Variants in PCDHAC2 observed in about 807,000 individuals in gnomAD.
The protein encoded by PCDHAC2 is protocadherin alpha-C2.
A neutral mutation model predicts 63.3 loss-of-function variants in PCDHAC2; 24 were observed. That is an observed-to-expected ratio of 0.38 (90% confidence interval 0.27 to 0.53). The LOEUF (loss-of-function observed/expected upper bound fraction) is 0.53, where lower values mean the gene tolerates loss of function less well. PCDHAC2 is among the 20% of genes least tolerant of loss of function. The probability of loss-of-function intolerance (pLI) is 0.81; values close to 1 mark genes in which losing one functional copy is unlikely to be tolerated. For missense variants in PCDHAC2, 1,181 were observed against 1,275.2 expected (o/e 0.93, Z 1.12); for synonymous variants, 569 against 529.4 (o/e 1.07, Z -1.03).
chr5:140,976,556 T>G (rs2096722872), intron 1 of PCDHAC2, among the ~76,000 whole-genome samples: 1 of 151,920 alleles, frequency 6.6e-6, no homozygotes, highest in African/African-American at 2.4e-5. Flanking sequence ...ATCTCATAAA[T>G]AAATAAATAA....
At chr5:141,008,014 CT>C (rs1268690822) in intron 3 of PCDHAC2, among the ~76,000 whole-genome samples, 12 of 152,070 alleles carry the variant, frequency 7.9e-5, no homozygotes, top group African/African-American at 1.7e-4. Flanking sequence ...CTTCTGTTTC[CT>C]TTTTTTTCTT....
intron 3 of PCDHAC2, among the ~76,000 whole-genome samples, chr5:140,999,861 A>G (rs1181249308): frequency 6.6e-6 from 1 of 152,184 alleles, no homozygotes; most frequent in Non-Finnish European, 1.5e-5. Flanking sequence ...TTCCGCTCCA[A>G]GATTACTGAA....
intron 3 of PCDHAC2, among the ~76,000 whole-genome samples, chr5:140,989,839 A>G (rs2097362613): frequency 6.6e-6 from 1 of 152,166 alleles, no homozygotes; most frequent in Admixed American, 6.5e-5. Context: ...CCTGTCAATG[A>G]GTGTGTGGAC....
intron 1 of PCDHAC2, among the ~76,000 whole-genome samples, chr5:140,976,713 T>TA (rs1554237898): frequency 6.6e-6 from 1 of 152,216 alleles, no homozygotes; most frequent in Admixed American, 6.5e-5. Flanking sequence ...CTTTGCATTA[T>TA]AGTTCATTTA....
At chr5:141,000,391 CTCTCTA>C (rs1434799221) in intron 3 of PCDHAC2, among the ~76,000 whole-genome samples, 1,083 of 55,870 alleles carry the variant, frequency 0.019, 5 homozygotes, top group Non-Finnish European at 0.023. Context: ...CTCTCTCTCT[CTCTCTA>C]TATATATATA....
chr5:140,998,393 C>A (rs1178528705), intron 3 of PCDHAC2, among the ~76,000 whole-genome samples: 12 of 152,288 alleles, frequency 7.9e-5, no homozygotes, highest in African/African-American at 2.4e-4. Flanking sequence ...TTAATGCCAT[C>A]TTTATGCCAA....
chr5:140,975,763 C>A (rs2096681691), intron 1 of PCDHAC2, among the ~76,000 whole-genome samples: 1 of 152,140 alleles, frequency 6.6e-6, no homozygotes, highest in Non-Finnish European at 1.5e-5. Context: ...TGTCATAAAT[C>A]ACAGATAATA....
chr5:140,966,802 G>A lies in PCDHAC2; in HGVS notation c.36G>A (p.Glu12=). 2.6e-6 allele frequency: 4 copies of A among 1,542,100 alleles called. No homozygotes were observed. The highest frequency in any genetic ancestry group is 2.6e-6 in the Non-Finnish European group (3 of 1,147,380). The change falls in exon 1 of 4, where the codon GAG becomes GAA. Residue 12 remains glutamate, a synonymous_variant. Coordinates refer to ENST00000289269, the MANE Select transcript of PCDHAC2 (RefSeq NM_018899.6). ...EQAGTRPAAT[E]HPRLRRPMPW... Reference sequence around the variant, plus strand: ...CGGGCACCAGACCTGCGGCGACAGAGCATCCACGGCTCCGGCGGCCCATGC... The same window carrying A: ...CGGGCACCAGACCTGCGGCGACAGAACATCCACGGCTCCGGCGGCCCATGC...
At chr5:141,007,299 T>C (rs550659664) in intron 3 of PCDHAC2, among the ~76,000 whole-genome samples, 9 of 151,686 alleles carry the variant, frequency 5.9e-5, no homozygotes, top group African/African-American at 2.2e-4. Context: ...GCCTGTAATC[T>C]TAGCATTTTG....
intron 3 of PCDHAC2, among the ~76,000 whole-genome samples, chr5:141,000,226 G>A (rs2097897321): frequency 6.6e-6 from 1 of 151,546 alleles, no homozygotes; most frequent in Non-Finnish European, 1.5e-5. Context: ...TGCCTGTGTG[G>A]AGCTGAATGT....
Position 140,967,012 on chromosome 5 carries a change from G to C in PCDHAC2, c.246G>C (p.Leu82=), listed in dbSNP as rs1554229065. The change falls in exon 1 of 4, where the codon CTG becomes CTC. Residue 82 remains leucine (L), a synonymous_variant. Transcript: ENST00000289269. ...LGPGCLRINH[L]GAPSPRYLEL... ...CGGGTTGCTTGCGCATCAACCATCTGGGTGCGCCCAGTCCGCGCTACCTGG... is the reference window on the plus strand; with the variant it reads ...CGGGTTGCTTGCGCATCAACCATCTCGGTGCGCCCAGTCCGCGCTACCTGG... 6.2e-7 allele frequency: 1 copy of C among 1,606,656 alleles called. No individual in the cohort carries two copies. Among genetic ancestry groups the C allele is most frequent in the African/African-American group, 1.3e-5 (1 of 74,896 alleles).
chr5:140,992,127 T>G (rs1237289084), intron 3 of PCDHAC2, among the ~76,000 whole-genome samples: 1 of 151,584 alleles, frequency 6.6e-6, no homozygotes, highest in Non-Finnish European at 1.5e-5. Flanking sequence ...GGAAGAACAG[T>G]GACTGATGAT....
intron 3 of PCDHAC2, among the ~76,000 whole-genome samples, chr5:141,002,971 T>C (rs138459473): frequency 6.6e-6 from 1 of 152,274 alleles, no homozygotes; most frequent in African/African-American, 2.4e-5. Flanking sequence ...TTCCTGAAAA[T>C]AGTATCCTTG....
intron 3 of PCDHAC2, among the ~76,000 whole-genome samples, chr5:141,008,840 T>C (rs2098392722): frequency 6.6e-6 from 1 of 152,188 alleles, no homozygotes; most frequent in African/African-American, 2.4e-5. Context: ...CCTCTTACGC[T>C]GTGTATTCCC....
Position 140,969,180 on chromosome 5 carries a change from C to T in PCDHAC2, c.2414C>T (p.Thr805Ile). The T allele has an allele frequency of 6.2e-7, 1 of 1,614,110 alleles. No individual in the cohort carries two copies. The highest frequency in any genetic ancestry group is 8.5e-7 in the Non-Finnish European group (1 of 1,180,008). Residue 805 changes from threonine (T) to isoleucine (I), a missense_variant, in exon 1 of 4, where the codon ACT (threonine) becomes ATT (isoleucine). By Grantham distance (89) the Thr-to-Ile change is moderately conservative. Around this residue, in one of 3 missense-constraint regions of PCDHAC2, gnomAD observed 968 missense variants for 1,073.5 expected, o/e 0.90. Transcript: ENST00000289269. ...CTGACAGCAGGCTCAGGGAGTGACACTTTCATGTTTTACAATACAGGGGCC... is the reference window on the plus strand; with the variant it reads ...CTGACAGCAGGCTCAGGGAGTGACATTTTCATGTTTTACAATACAGGGGCC... ...ACLTAGSGSDTFMFYNTGAQT... is the reference protein window; with the variant it reads ...ACLTAGSGSDIFMFYNTGAQT...
At chr5:140,983,293 A>C (rs2097040232) in intron 3 of PCDHAC2, among the ~76,000 whole-genome samples, 1 of 152,240 alleles carries the variant, frequency 6.6e-6, no homozygotes, top group African/African-American at 2.4e-5. Context: ...AAAATTGCTT[A>C]AACTCACATT....
rs782537686 is a variant in PCDHAC2, at chr5:140,967,852, C to T, written c.1086C>T (p.Ala362=). 13 of 1,614,142 alleles carry T rather than the reference C, an allele frequency of 8.1e-6. No homozygotes were observed. The Middle Eastern group carries it at 1.2e-3, about 143-fold the overall frequency. The change falls in exon 1 of 4, where the codon GCC becomes GCT. Residue 362 remains alanine, a synonymous_variant. Transcript: ENST00000289269. ...ACATCGTGGACGTGAATGACAATGC[C>T]CCAGAGGTGGTGCTCACGGACCTGT... ...LVDIVDVNDN[A]PEVVLTDLYS...
intron 3 of PCDHAC2, among the ~76,000 whole-genome samples, chr5:141,007,451 C>A (rs2098330384): frequency 6.6e-6 from 1 of 151,640 alleles, no homozygotes; most frequent in Non-Finnish European, 1.5e-5. Context: ...GCCTGTAGTC[C>A]CAGCTACTCA....
At chr5:140,999,877 G>C (rs1194481133) in intron 3 of PCDHAC2, among the ~76,000 whole-genome samples, 1 of 152,152 alleles carries the variant, frequency 6.6e-6, no homozygotes, top group Non-Finnish European at 1.5e-5. Flanking sequence ...CTGAAAATTA[G>C]CCCAGCTGTA....
Sources: gnomAD v4.1 joint callset for allele counts (sites outside exome capture counted in the v4.1 genomes callset) on GRCh38, gnomAD v4.1.1 for gene constraint, gnomAD v4.1.1 regional missense constraint, MANE v1.5 for transcripts, NCBI Gene and HGNC (gene_info 2026-07-23, HGNC 2026-07-21) for gene names.